MASP1: variants seen among roughly 807,000 people sequenced by gnomAD.
MASP1 encodes the protein MBL associated serine protease 1.
In MASP1, 59 loss-of-function variants were observed where a neutral mutation model predicts 77.1. The observed-to-expected ratio is 0.77, with a 90% CI of 0.62 to 0.95. The LOEUF (loss-of-function observed/expected upper bound fraction) is 0.95. Among genes scored for constraint, MASP1 ranks in the 40% least tolerant of loss-of-function variants. The pLI is 0.00. For missense variants in MASP1, 885 were observed against 912.9 expected (o/e 0.97, Z 0.39); for synonymous variants, 362 against 354.5 (o/e 1.02, Z -0.24).
chr3:187,225,650 G>A (rs1712382726), intron 12 of MASP1: 1 of 801,000 alleles, frequency 1.2e-6, no homozygotes, highest in African/African-American at 1.7e-5. Flanking sequence ...ACCTTTCCCA[G>A]ACATCCCACC....
At chr3:187,220,496 C>CTTTTTTTTTTTT (rs376566294) in intron 15 of MASP1, among the ~76,000 whole-genome samples, 4 of 127,764 alleles carry the variant, frequency 3.1e-5, no homozygotes, top group African/African-American at 9.2e-5. Context: ...TTTTTTCTTT[C>CTTTTTTTTTTTT]TTTTTTTTTT....
chr3:187,254,285 T>C (rs943415539), intron 5 of MASP1, among the ~76,000 whole-genome samples: 1 of 152,214 alleles, frequency 6.6e-6, no homozygotes, highest in Non-Finnish European at 1.5e-5. Context: ...ATAATGGTAA[T>C]ATAATAGATA....
Position 187,222,987 on chromosome 3 carries a change from T to C in MASP1, c.1809+140A>G, listed in dbSNP as rs1403420468. 23 of 726,288 alleles carry C rather than the reference T, an allele frequency of 3.2e-5. No homozygotes were observed. The East Asian group carries it at 6.0e-4, about 19-fold the overall frequency. The allele number at this position is 726,288 out of a possible 1,614,324, so 45.0% of individuals were successfully genotyped here. On this transcript the variant is annotated intron_variant, in intron 14 of 15. Coordinates refer to the MASP1 transcript ENST00000337774. ...TGGGGTTCAAAGTCCCATTGAACTT[T>C]GGAGGTGGGTCTGGGCTCCTAGTTT... is the stretch of plus-strand genomic sequence containing the variant.
chr3:187,279,233 T>C (rs1386894566), intron 2 of MASP1, among the ~76,000 whole-genome samples: 1 of 152,210 alleles, frequency 6.6e-6, no homozygotes, highest in Admixed American at 6.5e-5. Flanking sequence ...TTCACTTTCT[T>C]TACTGTAAAA....
chr3:187,286,919 C>A (rs181178108), intron 1 of MASP1, among the ~76,000 whole-genome samples: 11 of 152,300 alleles, frequency 7.2e-5, no homozygotes, highest in Admixed American at 4.6e-4. Context: ...CAACCAGTTC[C>A]CTGGCCTGAA....
intron 1 of MASP1, among the ~76,000 whole-genome samples, chr3:187,289,544 T>G (rs1426914271): frequency 6.6e-6 from 1 of 152,188 alleles, no homozygotes; most frequent in Non-Finnish European, 1.5e-5. Context: ...GAAAAATAAT[T>G]GAAAAACCCA....
chr3:187,225,772 C>A (rs76313781), intron 12 of MASP1, among the ~76,000 whole-genome samples: 1 of 152,216 alleles, frequency 6.6e-6, no homozygotes. Context: ...CATGTTCAAT[C>A]CCTATCATCA....
chr3:187,273,492 A>G (rs1175995313), intron 2 of MASP1, among the ~76,000 whole-genome samples: 2 of 152,192 alleles, frequency 1.3e-5, no homozygotes, highest in Admixed American at 6.5e-5. Context: ...CTGTGCTTCA[A>G]AAGATTTTCC....
At chr3:187,261,514 C>T (rs1360641863) in intron 3 of MASP1, among the ~76,000 whole-genome samples, 1 of 152,196 alleles carries the variant, frequency 6.6e-6, no homozygotes, top group Non-Finnish European at 1.5e-5. Context: ...GTTTAAACCA[C>T]AATGAGGTAC....
intron 8 of MASP1, chr3:187,244,915 A>C (rs1275296702): frequency 1.3e-5 from 2 of 152,248 alleles, no homozygotes. Context: ...TTTTAACTTT[A>C]GGACTCCAAA....
At chr3:187,223,251 G>A in intron 13 of MASP1, 1 of 1,382,356 alleles carries the variant, frequency 7.2e-7, no homozygotes, top group Non-Finnish European at 1.0e-6. Flanking sequence ...TGTTTGGAGG[G>A]GTGCAGCTTG....
intron 4 of MASP1, 46 bp downstream of exon 4, chr3:187,260,695 G>C (rs939815423): frequency 1.2e-6 from 2 of 1,613,346 alleles, no homozygotes; most frequent in African/African-American, 1.3e-5. Flanking sequence ...TGTTATTGAG[G>C]ATGTGGCCTA....
intron 2 of MASP1, 138 bp downstream of exon 2, chr3:187,285,687 C>A: frequency 2.7e-6 from 2 of 752,774 alleles, no homozygotes; most frequent in Non-Finnish European, 2.3e-6. Flanking sequence ...TAGCTTTCCA[C>A]CTTGACCTGA....
At chr3:187,245,302 A>G (rs1244160759) in intron 8 of MASP1, among the ~76,000 whole-genome samples, 1 of 152,150 alleles carries the variant, frequency 6.6e-6, no homozygotes, top group African/African-American at 2.4e-5. Context: ...AGGTATTGGT[A>G]TCACTCATCT....
chr3:187,280,112 G>C (rs1717290249), intron 2 of MASP1, among the ~76,000 whole-genome samples: 1 of 152,190 alleles, frequency 6.6e-6, no homozygotes, highest in African/African-American at 2.4e-5. Flanking sequence ...GTTCCAAGAA[G>C]ATCCTTCTGG....
intron 2 of MASP1, among the ~76,000 whole-genome samples, chr3:187,279,368 C>A (rs189191240): frequency 1.3e-5 from 2 of 152,312 alleles, no homozygotes; most frequent in East Asian, 3.9e-4. Context: ...CAGGAAGCTG[C>A]AAGAGTTGCC....
intron 2 of MASP1, among the ~76,000 whole-genome samples, chr3:187,270,975 C>T (rs1240865463): frequency 2.6e-5 from 4 of 152,206 alleles, no homozygotes; most frequent in African/African-American, 9.7e-5. Context: ...CATAAGCAAA[C>T]AAAATGGATA....
At chr3:187,225,561 C>T in intron 12 of MASP1, 2 of 1,588,398 alleles carry the variant, frequency 1.3e-6, no homozygotes, top group Non-Finnish European at 1.7e-6. Context: ...GATAAGGTCA[C>T]ACCTTGTTCC....
chr3:187,289,563 C>A (rs1024588909), intron 1 of MASP1, among the ~76,000 whole-genome samples: 1 of 152,138 alleles, frequency 6.6e-6, no homozygotes, highest in Non-Finnish European at 1.5e-5. Context: ...CATGGCTTTA[C>A]GTAAAAAATT....
Sources: gnomAD v4.1 joint callset for allele counts (sites outside exome capture counted in the v4.1 genomes callset) on GRCh38, gnomAD v4.1.1 for gene constraint, MANE v1.5 for transcripts, NCBI Gene and HGNC (gene_info 2026-07-23, HGNC 2026-07-21) for gene names.